XRCC5: variants seen among roughly 807,000 people sequenced by gnomAD.
The protein encoded by XRCC5 is DNA repair protein Ku80.
XRCC5 carries 12 observed loss-of-function variants against 95.7 expected under a neutral mutation model. That is an observed-to-expected ratio of 0.13 (90% CI 0.08 to 0.20). The LOEUF is 0.20. Among genes scored for constraint, XRCC5 ranks in the 10% least tolerant of loss-of-function variants. XRCC5 has a pLI of 1.00. For missense variants in XRCC5, 595 were observed against 873.9 expected (o/e 0.68, Z 4.02); for synonymous variants, 281 against 290.3 (o/e 0.97, Z 0.33).
intron 12 of XRCC5, among the ~76,000 whole-genome samples, chr2:216,138,536 T>C (rs929555300): frequency 1.3e-5 from 2 of 152,212 alleles, no homozygotes; most frequent in African/African-American, 4.8e-5. Context: ...TAAAGTCTGA[T>C]GTAGCTTTGA....
intron 13 of XRCC5, among the ~76,000 whole-genome samples, chr2:216,142,328 G>T (rs1327128292): frequency 6.6e-6 from 1 of 152,126 alleles, no homozygotes; most frequent in Non-Finnish European, 1.5e-5. Flanking sequence ...CATAATTAAA[G>T]GGAGCATAGG....
At chr2:216,128,290 A>T (rs1052316407) in intron 8 of XRCC5, among the ~76,000 whole-genome samples, 1 of 152,214 alleles carries the variant, frequency 6.6e-6, no homozygotes, top group African/African-American at 2.4e-5. Context: ...TAAGATAGAA[A>T]CAAGAGTCCT....
At chr2:216,176,827 T>C (rs1314392573) in intron 16 of XRCC5, among the ~76,000 whole-genome samples, 2 of 152,256 alleles carry the variant, frequency 1.3e-5, no homozygotes, top group East Asian at 1.9e-4. Flanking sequence ...TTTTCTAATA[T>C]AGGCATTTAA....
At chr2:216,188,015 C>G (rs187643882) in intron 16 of XRCC5, among the ~76,000 whole-genome samples, 275 of 152,136 alleles carry the variant, frequency 1.8e-3, no homozygotes, top group Non-Finnish European at 3.2e-3. Context: ...GACTCTCACA[C>G]ACACTTTCTC....
chr2:216,136,112 T>C (rs542114585), intron 10 of XRCC5, among the ~76,000 whole-genome samples: 66 of 152,044 alleles, frequency 4.3e-4, no homozygotes, highest in African/African-American at 1.4e-3. Context: ...ATCCCAGCAC[T>C]TTGGGAGGCC....
chr2:216,120,485 C>T (rs1360649250), intron 5 of XRCC5, among the ~76,000 whole-genome samples: 13 of 152,126 alleles, frequency 8.5e-5, no homozygotes, highest in Non-Finnish European at 1.5e-5. Context: ...CATAGTTTTA[C>T]TGTTTGGTGT....
intron 1 of XRCC5, among the ~76,000 whole-genome samples, chr2:216,112,570 A>G (rs1451172707): frequency 6.6e-6 from 1 of 152,252 alleles, no homozygotes; most frequent in Admixed American, 6.5e-5. Flanking sequence ...ACTTCTTGTG[A>G]CAAAAATGCT....
intron 8 of XRCC5, among the ~76,000 whole-genome samples, chr2:216,129,133 A>C (rs1264371647): frequency 6.6e-6 from 1 of 152,246 alleles, no homozygotes; most frequent in African/African-American, 2.4e-5. Context: ...AGAAGGATCT[A>C]GTGATAAGGA....
chr2:216,179,173 C>T (rs1689334841), intron 16 of XRCC5, among the ~76,000 whole-genome samples: 1 of 152,184 alleles, frequency 6.6e-6, no homozygotes, highest in African/African-American at 2.4e-5. Context: ...TCAATGCTCT[C>T]TTGTAGCCTT....
chr2:216,138,234 A>G (rs1697120084), intron 12 of XRCC5, 55 bp downstream of exon 12: 2 of 1,501,796 alleles, frequency 1.3e-6, no homozygotes, highest in Non-Finnish European at 9.2e-7. Context: ...TTCTTGGGAA[A>G]TCACCTGTCT....
At chr2:216,118,857 A>G (rs554413814) in intron 4 of XRCC5, among the ~76,000 whole-genome samples, 186 bp from the exon 5 acceptor site, 1 of 152,344 alleles carries the variant, frequency 6.6e-6, no homozygotes, top group East Asian at 1.9e-4. Flanking sequence ...AAGATGTTCA[A>G]AGTATAAAGT....
chr2:216,113,263 C>A (rs974308273), intron 2 of XRCC5, 134 bp downstream of exon 2: 3 of 655,058 alleles, frequency 4.6e-6, no homozygotes, highest in African/African-American at 1.8e-5. Context: ...AGTTTCCTTA[C>A]ATGTACTCAC....
chr2:216,166,547 G>A (rs1000222419), intron 16 of XRCC5, among the ~76,000 whole-genome samples: 8 of 152,234 alleles, frequency 5.3e-5, no homozygotes, highest in South Asian at 2.1e-4. Flanking sequence ...GTTACCTGTC[G>A]TTGTGGGTTT....
At position 216,138,096 on chromosome 2, in the gene XRCC5, T is replaced by G. The variant is rs749700802; in HGVS notation, c.1259T>G (p.Val420Gly). ...PHIKHNYECL[V>G]YVQLPFMEDL... ...CCCTTTCTTTCTCATTAGTGTTTAG[T>G]GTATGTGCAGCTGCCTTTCATGGAA... Residue 420 changes from valine (V) to glycine (G), a missense_variant, in exon 12 of 21, where the codon GTG (valine) becomes GGG (glycine). Coordinates refer to ENST00000392132, the MANE Select transcript of XRCC5 (RefSeq NM_021141.4). The G allele has an allele frequency of 6.2e-7, 1 of 1,613,094 alleles. No individual in the cohort carries two copies. The highest frequency in any genetic ancestry group is 8.5e-7 in the Non-Finnish European group (1 of 1,179,680).
chr2:216,156,606 GACTTA>G (rs1038517921), intron 14 of XRCC5: 2 of 572,512 alleles, frequency 3.5e-6, no homozygotes, highest in South Asian at 1.4e-5. Context: ...AGAAGACCTG[GACTTA>G]ACTTCTTTGC....
In XRCC5 at chr2:216,190,432, A is replaced by T. The variant is rs138612428; in HGVS notation, c.1944+98A>T. ...CCTGGAAATGAGTCTGGGCCGTGGA[A>T]ATTATCATTCTCAATATGAATAGCA... On this transcript the variant is annotated intron_variant, in intron 17 of 20. Transcript: ENST00000392132. The T allele has an allele frequency of 1.6e-4, 163 of 1,042,312 alleles. No homozygotes were observed. In the East Asian group the frequency reaches 3.9e-3, roughly 25 times the overall value. The allele number at this position is 1,042,312 out of a possible 1,614,324, so 64.6% of individuals were successfully genotyped here.
At chr2:216,145,283 GGA>G (rs1688604722) in intron 13 of XRCC5, among the ~76,000 whole-genome samples, 1 of 152,232 alleles carries the variant, frequency 6.6e-6, no homozygotes, top group African/African-American at 2.4e-5. Flanking sequence ...GCTTGGAGAA[GGA>G]GAGAGAGATT....
intron 16 of XRCC5, among the ~76,000 whole-genome samples, chr2:216,163,481 G>T (rs1027921139): frequency 6.6e-6 from 1 of 151,856 alleles, no homozygotes; most frequent in African/African-American, 2.4e-5. Context: ...GCACAGACGG[G>T]GTTTCGTTAT....
chr2:216,109,757 CCTCT>C (rs199972718), intron 1 of XRCC5, among the ~76,000 whole-genome samples: 6 of 151,640 alleles, frequency 4.0e-5, no homozygotes, highest in East Asian at 1.9e-4. Context: ...ACCCGCCTCC[CCTCT>C]CTCTCTCTTT....
Sources: gnomAD v4.1 joint callset for allele counts (sites outside exome capture counted in the v4.1 genomes callset) on GRCh38, gnomAD v4.1.1 for gene constraint, MANE v1.5 for transcripts, NCBI Gene and HGNC (gene_info 2026-07-23, HGNC 2026-07-21) for gene names.